ANKRD30BL: variants seen among roughly 807,000 people sequenced by gnomAD.
ANKRD30BL encodes the protein putative ankyrin repeat domain-containing protein 30B-like.
A neutral mutation model predicts 18.4 loss-of-function variants in ANKRD30BL; 20 were observed. The observed-to-expected ratio is 1.09, with a 90% CI of 0.77 to 1.58. ANKRD30BL has a LOEUF of 1.58. ANKRD30BL is among the 40% of genes most tolerant of loss of function. The probability of loss-of-function intolerance (pLI) is 0.00; values close to 1 mark genes in which losing one functional copy is unlikely to be tolerated. For synonymous variants in ANKRD30BL, 72 were observed against 100.9 expected, an observed-to-expected ratio of 0.71 and a Z score of 1.72; for missense variants, 224 against 268.6, an observed-to-expected ratio of 0.83 and a Z score of 1.16.
chr2:132,253,558 A>G (rs78374880), intron 1 of ANKRD30BL, among the ~76,000 whole-genome samples: 1 of 152,150 alleles, frequency 6.6e-6, no homozygotes, highest in Non-Finnish European at 1.5e-5. Context: ...TGCAGCATGC[A>G]CGACAGCACG....
At chr2:132,150,527 G>A (rs369841921) in intron 5 of ANKRD30BL, among the ~76,000 whole-genome samples, 1 of 150,902 alleles carries the variant, frequency 6.6e-6, no homozygotes, top group African/African-American at 2.4e-5. Flanking sequence ...CTATTACTGA[G>A]CTCATCAATC....
intron 1 of ANKRD30BL, among the ~76,000 whole-genome samples, chr2:132,196,140 T>G (rs1425270363): frequency 8.5e-6 from 1 of 117,018 alleles, no homozygotes; most frequent in African/African-American, 3.7e-5. Flanking sequence ...AGAGTCCATC[T>G]CAAAAAAAAA....
At chr2:132,166,442 G>C (rs553137937), upstream of ANKRD30BL, among the ~76,000 whole-genome samples, 1 of 151,840 alleles carries the variant, frequency 6.6e-6, no homozygotes, top group African/African-American at 2.4e-5. Context: ...GGGGGGTGAG[G>C]GGGGGTTATT....
chr2:132,169,461 C>A (rs925421416), intron 1 of ANKRD30BL, among the ~76,000 whole-genome samples: 1 of 152,040 alleles, frequency 6.6e-6, no homozygotes, highest in Admixed American at 6.6e-5. Context: ...ATCATGGCCA[C>A]CATGGTGAAA....
At chr2:132,211,380 G>A (rs113904366) in intron 1 of ANKRD30BL, among the ~76,000 whole-genome samples, 6,922 of 151,768 alleles carry the variant, frequency 0.046, 544 homozygotes, top group African/African-American at 0.16. Context: ...GTCTTCTGGT[G>A]GAAAAGGAAA....
intron 1 of ANKRD30BL, among the ~76,000 whole-genome samples, chr2:132,204,080 A>C (rs1241009296): frequency 3.9e-5 from 6 of 152,334 alleles, no homozygotes; most frequent in African/African-American, 1.2e-4. Context: ...AAATAAGAGA[A>C]GATATAAAGA....
upstream of ANKRD30BL, among the ~76,000 whole-genome samples, chr2:132,166,430 TG>T (rs914735449): frequency 1.9e-5 from 2 of 107,030 alleles, no homozygotes; most frequent in African/African-American, 7.1e-5. Flanking sequence ...CTGGAAACAT[TG>T]GGGGGGTGAG....
intron 1 of ANKRD30BL, among the ~76,000 whole-genome samples, chr2:132,215,245 C>A (rs1254990474): frequency 6.6e-6 from 1 of 152,252 alleles, no homozygotes; most frequent in Non-Finnish European, 1.5e-5. Flanking sequence ...ATTCATCTCA[C>A]AGAGTTGAAC....
In ANKRD30BL at chr2:132,220,853, C is replaced by T. The variant is rs189856289; in HGVS notation, n.441+36676G>A. On this transcript the variant is annotated intron_variant and non_coding_transcript_variant, in intron 1 of 4. Coordinates refer to the ANKRD30BL transcript ENST00000470729. The stretch of plus-strand genomic sequence containing the variant: ...GTCTGGGATATGAGGAGCTCCTCTG[C>T]CTGGCTGCCCAGTCTGGAAAGTCAG... Among the ~76,000 whole-genome samples the T allele has an allele frequency of 2.4e-4, 36 of 151,402 alleles. 1 individual carries two copies. Among genetic ancestry groups the T allele is most frequent in the African/African-American group, 8.3e-4 (34 of 41,160 alleles).
intron 1 of ANKRD30BL, among the ~76,000 whole-genome samples, chr2:132,225,725 C>G (rs1168355072): frequency 2.6e-5 from 4 of 152,010 alleles, no homozygotes; most frequent in Non-Finnish European, 5.9e-5. Flanking sequence ...ATTCACCTCA[C>G]AGAATTGAAC....
intron 1 of ANKRD30BL, among the ~76,000 whole-genome samples, chr2:132,184,365 G>C (rs1573823058): frequency 6.6e-6 from 1 of 152,198 alleles, no homozygotes; most frequent in African/African-American, 2.4e-5. Flanking sequence ...TCAAAACCTA[G>C]AGCAGTGCAG....
chr2:132,230,872 C>A (rs1239996745), intron 1 of ANKRD30BL, among the ~76,000 whole-genome samples: 1 of 151,856 alleles, frequency 6.6e-6, no homozygotes, highest in Non-Finnish European at 1.5e-5. Flanking sequence ...TGTGTGCATT[C>A]ACCTCAGAGA....
intron 1 of ANKRD30BL, among the ~76,000 whole-genome samples, chr2:132,237,235 C>T (rs539956218): frequency 6.6e-6 from 1 of 152,070 alleles, no homozygotes; most frequent in Non-Finnish European, 1.5e-5. Flanking sequence ...TGTAACTAAC[C>T]TGCACAATGT....
chr2:132,160,189 C>T (rs568250952), intron 1 of ANKRD30BL, among the ~76,000 whole-genome samples: 10 of 151,972 alleles, frequency 6.6e-5, no homozygotes, highest in Non-Finnish European at 7.4e-5. Context: ...GCAACCTCCG[C>T]CTCCCAGTTT....
chr2:132,236,446 C>T (rs1383590448), intron 1 of ANKRD30BL, among the ~76,000 whole-genome samples: 2 of 152,016 alleles, frequency 1.3e-5, no homozygotes, highest in African/African-American at 4.8e-5. Context: ...CAAACAACCC[C>T]ATCAAAAAGT....
intron 1 of ANKRD30BL, among the ~76,000 whole-genome samples, chr2:132,256,513 A>T (rs550112430): frequency 0.016 from 2,395 of 152,328 alleles, 60 homozygotes; most frequent in African/African-American, 0.055. Flanking sequence ...GCAGCGAAGG[A>T]GAGGCGGACC....
intron 1 of ANKRD30BL, among the ~76,000 whole-genome samples, chr2:132,201,592 A>T (rs977156881): frequency 2.0e-5 from 3 of 152,200 alleles, no homozygotes; most frequent in African/African-American, 7.2e-5. Flanking sequence ...CCACAATGAG[A>T]TACCTTCTCA....
At chr2:132,254,950 A>C (rs62164996) in intron 1 of ANKRD30BL, among the ~76,000 whole-genome samples, 1 of 152,140 alleles carries the variant, frequency 6.6e-6, no homozygotes, top group East Asian at 1.9e-4. Context: ...GAGTTTTCCC[A>C]TGTTGAGTCA....
intron 1 of ANKRD30BL, among the ~76,000 whole-genome samples, chr2:132,235,401 C>T (rs1359833143): frequency 6.6e-6 from 1 of 151,958 alleles, no homozygotes; most frequent in African/African-American, 2.4e-5. Flanking sequence ...TCAAATTGTC[C>T]CTGTTTGCAG....
Sources: allele counts gnomAD v4.1 joint callset (sites outside exome capture counted in the v4.1 genomes callset), GRCh38; gene constraint gnomAD v4.1.1; transcripts MANE v1.5; gene names NCBI Gene and HGNC (gene_info 2026-07-23, HGNC 2026-07-21).